Variants in SPOCK3 observed in about 807,000 individuals in gnomAD.
The protein encoded by SPOCK3 is SPARC (osteonectin), cwcv and kazal like domains proteoglycan 3, also known as testican-3.
A neutral mutation model predicts 56.6 loss-of-function variants in SPOCK3; 30 were observed. The ratio of observed to expected loss-of-function variants is 0.53; its 90% CI spans 0.40 to 0.72. The LOEUF is 0.72. SPOCK3 is among the 30% of genes least tolerant of loss of function. SPOCK3 has a pLI of 0.00. For synonymous variants in SPOCK3, 196 were observed against 183.3 expected, an observed-to-expected ratio of 1.07 and a Z score of -0.56; for missense variants, 527 against 530.0, an observed-to-expected ratio of 0.99 and a Z score of 0.06.
chr4:166,890,758 G>A (rs528502906), intron 5 of SPOCK3, among the ~76,000 whole-genome samples: 2 of 152,070 alleles, frequency 1.3e-5, no homozygotes, highest in South Asian at 4.2e-4. Context: ...TTCTACAGAT[G>A]TCTATTAGGT....
intron 4 of SPOCK3, among the ~76,000 whole-genome samples, chr4:166,934,334 A>AAC (rs1740133610): frequency 6.9e-5 from 1 of 14,464 alleles, no homozygotes; most frequent in Non-Finnish European, 2.3e-4. Flanking sequence ...CTAAAAATAC[A>AAC]AAAAAAAAAA....
At chr4:166,824,051 G>A (rs1745203742) in intron 6 of SPOCK3, among the ~76,000 whole-genome samples, 1 of 151,906 alleles carries the variant, frequency 6.6e-6, no homozygotes, top group South Asian at 2.1e-4. Context: ...GCTCCTGAGT[G>A]ACATCACCAA....
chr4:166,901,635 T>C (rs541198048), intron 5 of SPOCK3, among the ~76,000 whole-genome samples: 1 of 152,274 alleles, frequency 6.6e-6, no homozygotes, highest in African/African-American at 2.4e-5. Flanking sequence ...GTGACATCTA[T>C]GCAATCACTA....
At chr4:167,170,448 A>C (rs139138181) in intron 2 of SPOCK3, among the ~76,000 whole-genome samples, 1 of 152,316 alleles carries the variant, frequency 6.6e-6, no homozygotes, top group Non-Finnish European at 1.5e-5. Context: ...CTAAGCAGAG[A>C]TAATGATGAG....
chr4:166,770,314 G>A (rs1052927989), intron 7 of SPOCK3, among the ~76,000 whole-genome samples: 5 of 152,032 alleles, frequency 3.3e-5, no homozygotes, highest in African/African-American at 7.2e-5. Flanking sequence ...GTTCCTATTC[G>A]ACCATCTTGG....
At chr4:167,096,344 C>T (rs1470689987) in intron 2 of SPOCK3, among the ~76,000 whole-genome samples, 13 of 151,784 alleles carry the variant, frequency 8.6e-5, no homozygotes, top group Admixed American at 6.6e-5. Context: ...AAGGTGTAAA[C>T]TTAGATTCTT....
At chr4:167,054,449 C>A (rs1311072111) in intron 3 of SPOCK3, among the ~76,000 whole-genome samples, 1 of 152,164 alleles carries the variant, frequency 6.6e-6, no homozygotes, top group Non-Finnish European at 1.5e-5. Flanking sequence ...AAACCATATA[C>A]ATTTTATGCC....
chr4:166,908,530 A>G (rs1333490433), intron 5 of SPOCK3, among the ~76,000 whole-genome samples: 3 of 130,766 alleles, frequency 2.3e-5, no homozygotes, highest in South Asian at 2.5e-4. Context: ...AACCATGCAC[A>G]CACACACACA....
At chr4:166,749,576 T>C (rs565999197) in intron 8 of SPOCK3, among the ~76,000 whole-genome samples, 1 of 152,056 alleles carries the variant, frequency 6.6e-6, no homozygotes, top group East Asian at 1.9e-4. Context: ...ACATGGCACA[T>C]GTATACATAT....
intron 4 of SPOCK3, among the ~76,000 whole-genome samples, chr4:166,945,838 A>G (rs1194438670): frequency 3.9e-5 from 6 of 152,154 alleles, no homozygotes; most frequent in African/African-American, 1.2e-4. Flanking sequence ...CTTACCCTAC[A>G]TGGGAATTGA....
intron 2 of SPOCK3, among the ~76,000 whole-genome samples, chr4:167,136,475 A>G (rs1763131829): frequency 6.6e-6 from 1 of 152,130 alleles, no homozygotes; most frequent in African/African-American, 2.4e-5. Flanking sequence ...AGTGAAACCT[A>G]TTGTCATATC....
At chr4:167,091,341 A>C (rs867129498) in intron 2 of SPOCK3, among the ~76,000 whole-genome samples, 2 of 152,222 alleles carry the variant, frequency 1.3e-5, no homozygotes, top group African/African-American at 4.8e-5. Context: ...GAACTGTTCA[A>C]TATATGTAGG....
intron 2 of SPOCK3, among the ~76,000 whole-genome samples, chr4:167,095,439 G>A (rs370648592): frequency 2.3e-4 from 35 of 151,998 alleles, no homozygotes; most frequent in African/African-American, 8.4e-4. Flanking sequence ...TCTATTCTCT[G>A]ACTAATCCTA....
intron 4 of SPOCK3, among the ~76,000 whole-genome samples, chr4:166,943,563 T>C (rs1361648565): frequency 6.6e-6 from 1 of 152,208 alleles, no homozygotes; most frequent in Non-Finnish European, 1.5e-5. Flanking sequence ...TGTTCAATTT[T>C]TTACAGTTCA....
At chr4:166,985,675 A>C (rs1272480741) in intron 4 of SPOCK3, among the ~76,000 whole-genome samples, 1 of 152,168 alleles carries the variant, frequency 6.6e-6, no homozygotes, top group African/African-American at 2.4e-5. Context: ...CACTCAGATG[A>C]ACACTAGTAT....
chr4:166,997,502 T>A (rs1748506061), intron 4 of SPOCK3, among the ~76,000 whole-genome samples: 1 of 152,146 alleles, frequency 6.6e-6, no homozygotes, highest in African/African-American at 2.4e-5. Flanking sequence ...AGATTGACCA[T>A]TTCAATTGAT....
intron 5 of SPOCK3, among the ~76,000 whole-genome samples, chr4:166,903,118 T>A (rs1413373840): frequency 2.2e-4 from 33 of 147,406 alleles, no homozygotes; most frequent in Non-Finnish European, 2.4e-4. Flanking sequence ...ATTTATAAAT[T>A]ATTTATAATA....
chr4:167,135,596 C>T (rs1763045574), intron 2 of SPOCK3, among the ~76,000 whole-genome samples: 1 of 151,966 alleles, frequency 6.6e-6, no homozygotes, highest in Non-Finnish European at 1.5e-5. Context: ...ACTGGAAATT[C>T]ATGGCAGATC....
intron 4 of SPOCK3, among the ~76,000 whole-genome samples, chr4:166,944,357 T>C (rs924641652): frequency 6.6e-6 from 1 of 152,132 alleles, no homozygotes; most frequent in Admixed American, 6.6e-5. Flanking sequence ...TGCAACCATA[T>C]GAATGAGGAC....
Sources: gnomAD v4.1 joint callset for allele counts (sites outside exome capture counted in the v4.1 genomes callset) on GRCh38, gnomAD v4.1.1 for gene constraint, MANE v1.5 for transcripts, NCBI Gene and HGNC (gene_info 2026-07-23, HGNC 2026-07-21) for gene names.